The following KLKB1 variants were observed in gnomAD, a reference collection of about 807,000 sequenced individuals.
KLKB1 encodes kallikrein B1, also known as plasma kallikrein.
A neutral mutation model predicts 73.6 loss-of-function variants in KLKB1; 58 were observed. That is an observed-to-expected ratio of 0.79 (90% CI 0.64 to 0.98). The LOEUF is 0.98. KLKB1 is among the 50% of genes least tolerant of loss of function. KLKB1 has a pLI of 0.00. For missense variants in KLKB1, 737 were observed against 763.8 expected (o/e 0.96, Z 0.41); for synonymous variants, 280 against 258.1 (o/e 1.08, Z -0.81).
intron 4 of KLKB1, among the ~76,000 whole-genome samples, chr4:186,234,263 G>T (rs1428007284): frequency 6.6e-5 from 10 of 152,138 alleles, no homozygotes; most frequent in African/African-American, 2.4e-4. Flanking sequence ...TACTTAATGA[G>T]CCTCTATTAT....
At chr4:186,251,141 T>G in intron 7 of KLKB1, 78 bp from the exon 8 acceptor site, 10 of 915,516 alleles carry the variant, frequency 1.1e-5, no homozygotes, top group African/African-American at 3.3e-5. Flanking sequence ...TTTTTGGGTG[T>G]GAGCTGCTTT....
intron 2 of KLKB1, among the ~76,000 whole-genome samples, chr4:186,217,556 G>A (rs552700956): frequency 2.2e-4 from 33 of 151,928 alleles, no homozygotes; most frequent in Non-Finnish European, 3.8e-4. Context: ...TTTAAGAATC[G>A]ACTCCAAAAA....
chr4:186,229,621 C>T (rs1435587091), intron 2 of KLKB1, among the ~76,000 whole-genome samples: 2 of 152,094 alleles, frequency 1.3e-5, no homozygotes, highest in Non-Finnish European at 2.9e-5. Flanking sequence ...GGTGTGGTAT[C>T]ATGAAATTAG....
At chr4:186,253,843 AT>A (rs1738839177) in intron 11 of KLKB1, among the ~76,000 whole-genome samples, 2 of 151,764 alleles carry the variant, frequency 1.3e-5, no homozygotes, top group Admixed American at 1.3e-4. Context: ...TATTTATTTA[AT>A]TTATTTTTTG....
chr4:186,225,969 C>T (rs987607030), upstream of KLKB1, among the ~76,000 whole-genome samples: 1 of 151,770 alleles, frequency 6.6e-6, no homozygotes, highest in Non-Finnish European at 1.5e-5. Flanking sequence ...CCTTTTATTA[C>T]TCTGACTGGG....
At position 186,254,778 on chromosome 4, in the gene KLKB1, T is replaced by C; in HGVS notation, c.1489+15T>C. On this transcript the variant is annotated intron_variant, in intron 12 of 14. Transcript: ENST00000264690. Reference sequence around the variant, plus strand: ...GAATTACACTGGTATGTAGCATATGTAAGAAGGTGGAGAGCAGAATTGCGC... The same window carrying C: ...GAATTACACTGGTATGTAGCATATGCAAGAAGGTGGAGAGCAGAATTGCGC... The C allele has an allele frequency of 6.2e-7, 1 of 1,605,392 alleles. No individual in the cohort carries two copies. The highest frequency in any genetic ancestry group is 2.2e-5 in the East Asian group (1 of 44,842).
At chr4:186,219,832 G>A (rs150858690) in intron 2 of KLKB1, among the ~76,000 whole-genome samples, 130 of 152,176 alleles carry the variant, frequency 8.5e-4, no homozygotes, top group African/African-American at 3.0e-3. Flanking sequence ...TAATCACAGG[G>A]CATGGTAATA....
intron 2 of KLKB1, among the ~76,000 whole-genome samples, chr4:186,219,846 A>G (rs1260267697): frequency 6.6e-6 from 1 of 152,096 alleles, no homozygotes; most frequent in Non-Finnish European, 1.5e-5. Context: ...GGTAATACTA[A>G]GAGTTGCCTG....
chr4:186,214,274 T>C (rs1736826699), intron 2 of KLKB1, among the ~76,000 whole-genome samples: 1 of 152,230 alleles, frequency 6.6e-6, no homozygotes, highest in Admixed American at 6.5e-5. Context: ...GCTCACTGCA[T>C]GTCTGCCCTG....
chr4:186,257,125 TA>T, intron 13 of KLKB1, 100 bp from the exon 14 acceptor site: 2 of 650,438 alleles, frequency 3.1e-6, no homozygotes, highest in South Asian at 5.0e-5. Context: ...TTTCCATATT[TA>T]TTATTTATTG....
In KLKB1 at chr4:186,252,123, C is replaced by G; in HGVS notation, c.1251C>G (p.His417Gln). 6.2e-7 allele frequency: 1 copy of G among 1,614,026 alleles called. No homozygotes were observed. Among genetic ancestry groups the G allele is most frequent in the South Asian group, 1.1e-5 (1 of 91,090 alleles). ...SLQVKLTAQR[H>Q]LCGGSLIGHQ... The stretch of plus-strand genomic sequence containing the variant: ...AGGTGAAGCTGACAGCTCAGAGGCA[C>G]CTGTGTGGAGGGTCACTCATAGGAC... The change falls in exon 11 of 15, where the codon CAC (histidine) becomes CAG (glutamine). Residue 417 changes from histidine (H) to glutamine (Q), a missense_variant. By Grantham distance (24) the His-to-Gln change is conservative. Transcript: ENST00000264690.
chr4:186,257,023 GTA>G (rs1491493493), intron 13 of KLKB1, among the ~76,000 whole-genome samples: 2 of 150,922 alleles, frequency 1.3e-5, no homozygotes, highest in Non-Finnish European at 2.9e-5. Flanking sequence ...GTGTGTGTGT[GTA>G]ACACTACCTT....
intron 2 of KLKB1, chr4:186,228,875 A>G (rs547612792): frequency 6.6e-6 from 1 of 152,396 alleles, no homozygotes; most frequent in South Asian, 2.1e-4. Context: ...TTACAGAGGG[A>G]GTTTTCTCTG....
intron 7 of KLKB1, 34 bp downstream of exon 7, chr4:186,250,436 GAGTATGC>G: frequency 1.2e-6 from 2 of 1,606,888 alleles, no homozygotes; most frequent in South Asian, 2.2e-5. Context: ...TCACAAAGGC[GAGTATGC>G]ATGGGGAGCA....
At chr4:186,238,661 G>A (rs1580005283) in intron 6 of KLKB1, among the ~76,000 whole-genome samples, 1 of 152,314 alleles carries the variant, frequency 6.6e-6, no homozygotes, top group East Asian at 1.9e-4. Flanking sequence ...CTTTGAAGAT[G>A]AAGGTCCGTG....
At chr4:186,228,618 G>A (rs911648286) in intron 2 of KLKB1, among the ~76,000 whole-genome samples, 2 of 152,196 alleles carry the variant, frequency 1.3e-5, no homozygotes, top group Non-Finnish European at 2.9e-5. Context: ...ATTCAAAAGA[G>A]TGCTAGGCAT....
At chr4:186,220,433 A>C (rs1737007800) in intron 2 of KLKB1, among the ~76,000 whole-genome samples, 1 of 152,164 alleles carries the variant, frequency 6.6e-6, no homozygotes, top group African/African-American at 2.4e-5. Flanking sequence ...CACACTGCAT[A>C]ATTGGAACTT....
chr4:186,238,232 G>T, intron 5 of KLKB1, 24 bp from the exon 6 acceptor site: 1 of 1,508,504 alleles, frequency 6.6e-7, no homozygotes, highest in Non-Finnish European at 9.2e-7. Flanking sequence ...AGAAAGCAAA[G>T]TAACCTCTTT....
At chr4:186,244,430 G>A (rs938495044) in intron 6 of KLKB1, among the ~76,000 whole-genome samples, 57 of 152,322 alleles carry the variant, frequency 3.7e-4, no homozygotes, top group African/African-American at 1.3e-3. Context: ...GGTAATGGAT[G>A]AGGAAGAAAT....
Sources: allele counts gnomAD v4.1 joint callset (sites outside exome capture counted in the v4.1 genomes callset), GRCh38; gene constraint gnomAD v4.1.1; transcripts MANE v1.5; gene names NCBI Gene and HGNC (gene_info 2026-07-23, HGNC 2026-07-21).